The following LIN52 variants were observed in gnomAD, a reference collection of about 807,000 sequenced individuals.
LIN52 encodes the protein protein lin-52 homolog.
In LIN52, 4 loss-of-function variants were observed where a neutral mutation model predicts 18.5. That is an observed-to-expected ratio of 0.22 (90% CI 0.11 to 0.49). The LOEUF (loss-of-function observed/expected upper bound fraction) is 0.49, where lower values mean the gene tolerates loss of function less well. Ranked by LOEUF, LIN52 falls within the 20% of genes least tolerant of loss-of-function variation. The pLI is 0.97. For synonymous variants in LIN52, 34 were observed against 45.5 expected (o/e 0.75, Z 1.02); for missense variants, 102 against 139.5 (o/e 0.73, Z 1.35).
chr14:74,148,859 C>G (rs1050790480), intron 5 of LIN52, among the ~76,000 whole-genome samples: 2 of 152,124 alleles, frequency 1.3e-5, no homozygotes, highest in African/African-American at 2.4e-5. Context: ...TCTAGCTTTA[C>G]CCTGCTAAGC....
chr14:74,146,641 G>A lies in LIN52; in HGVS notation c.283+45403G>A, dbSNP rs2061153464. ...CAGAATACCTTGGTTTCCTTCTTAA[G>A]CATAAAGTACAGAAAAATCAACACT... On this transcript the variant is annotated intron_variant, in intron 5 of 5. Transcript: ENST00000555028. Among the ~76,000 whole-genome samples, 4 of 152,038 alleles carry A rather than the reference G, an allele frequency of 2.6e-5. No homozygotes were observed. The South Asian group carries it at 8.3e-4, about 32-fold the overall frequency.
chr14:74,107,916 G>A (rs2060906872), intron 5 of LIN52, among the ~76,000 whole-genome samples: 1 of 151,964 alleles, frequency 6.6e-6, no homozygotes, highest in South Asian at 2.1e-4. Context: ...TTTATAGTGT[G>A]CAATTCAGTG....
intron 5 of LIN52, among the ~76,000 whole-genome samples, chr14:74,123,612 G>A (rs1319891628): frequency 6.6e-6 from 1 of 152,198 alleles, no homozygotes; most frequent in African/African-American, 2.4e-5. Flanking sequence ...CCAGGAGGAT[G>A]TGTAGCATTA....
chr14:74,165,931 G>A (rs1226641735), intron 5 of LIN52, among the ~76,000 whole-genome samples: 1 of 145,728 alleles, frequency 6.9e-6, no homozygotes, highest in Non-Finnish European at 1.5e-5. Flanking sequence ...CGTTCTTCTT[G>A]CCCAGGCTAG....
At chr14:74,169,240 A>G (rs944080716) in intron 5 of LIN52, among the ~76,000 whole-genome samples, 2 of 152,176 alleles carry the variant, frequency 1.3e-5, no homozygotes, top group Non-Finnish European at 2.9e-5. Context: ...CTACTGTTTC[A>G]AGAGAAGTTC....
rs532017897 is a variant in LIN52 at position 74,160,363 on chromosome 14, G to A, written c.284-38559G>A. Among the ~76,000 whole-genome samples the A allele has an allele frequency of 3.9e-5, 6 of 152,176 alleles. No individual in the cohort carries two copies. The South Asian group carries it at 1.2e-3, about 32-fold the overall frequency. The stretch of plus-strand genomic sequence containing the variant: ...GTACTTGTGTGAAGGATTATTTATG[G>A]GCCCAAATACCCTTCTCTCTATAGG... On this transcript the variant is annotated intron_variant, in intron 5 of 5. Coordinates refer to ENST00000555028, the MANE Select transcript of LIN52 (RefSeq NM_001024674.3).
At chr14:74,091,121 A>G (rs1464893642) in intron 1 of LIN52, 111 bp from the exon 2 acceptor site, 3 of 670,204 alleles carry the variant, frequency 4.5e-6, no homozygotes, top group East Asian at 2.6e-5. Flanking sequence ...TACAGAACTC[A>G]TATCTCTAGA....
chr14:74,181,135 A>G (rs1486297368), intron 5 of LIN52, among the ~76,000 whole-genome samples: 1 of 151,034 alleles, frequency 6.6e-6, no homozygotes, highest in South Asian at 2.1e-4. Flanking sequence ...AAAAGAAAAA[A>G]GAAAAGAAAA....
chr14:74,184,816 A>C (rs991302672), intron 5 of LIN52, among the ~76,000 whole-genome samples: 2 of 152,078 alleles, frequency 1.3e-5, no homozygotes, highest in Non-Finnish European at 2.9e-5. Context: ...TTGTATTTAG[A>C]TCTATTACAA....
chr14:74,192,268 GTTGTTTTTTGTTTTTGTTT>G lies in LIN52; in HGVS notation c.284-6638_284-6620del, dbSNP rs1412574987. 4.6e-5 allele frequency among the ~76,000 whole-genome samples: 7 copies of G among 151,984 alleles called. No individual in the cohort carries two copies. In the East Asian group the frequency reaches 1.2e-3, roughly 25 times the overall value. Reference sequence around the variant, plus strand: ...GAAGGAAGCAAGACTGAGAACAGTGGTTGTTTTTTGTTTTTGTTTTTGTTTTTTGTTTTTTGAGACAGAG... The same window carrying G: ...GAAGGAAGCAAGACTGAGAACAGTGGTTGTTTTTTGTTTTTTGAGACAGAG... On this transcript the variant is annotated intron_variant, in intron 5 of 5. Transcript: ENST00000555028.
Position 74,130,278 on chromosome 14 carries a change from G to GTTTTTTTTTTGTTTTTTTTTTTGT in LIN52, c.283+29050_283+29051insGTTTTTTTTTTTGTTTTTTTTTTT, listed in dbSNP as rs1566856483. On this transcript the variant is annotated intron_variant, in intron 5 of 5. Coordinates refer to ENST00000555028, the MANE Select transcript of LIN52 (RefSeq NM_001024674.3). ...GAATTTATTAGATAGGCATTTTTTG[G>GTTTTTTTTTTGTTTTTTTTTTTGT]TTTTTTTTTTTTTTTTTTGAGACAG... Among the ~76,000 whole-genome samples, 16 of 64,824 alleles carry GTTTTTTTTTTGTTTTTTTTTTTGT rather than the reference G, an allele frequency of 2.5e-4. 1 individual carries two copies. The highest frequency in any genetic ancestry group is 8.2e-4 in the African/African-American group (13 of 15,880). 42.5% of individuals were successfully genotyped at this position (64,824 alleles called of 152,430 possible).
chr14:74,184,032 C>G (rs1388278776), intron 5 of LIN52, among the ~76,000 whole-genome samples: 1 of 152,158 alleles, frequency 6.6e-6, no homozygotes, highest in African/African-American at 2.4e-5. Context: ...AACTGCACCC[C>G]CTAGTTCCTC....
intron 5 of LIN52, among the ~76,000 whole-genome samples, chr14:74,105,227 A>G (rs1183799541): frequency 6.6e-6 from 1 of 152,100 alleles, no homozygotes; most frequent in Admixed American, 6.5e-5. Context: ...TGCTAACTGT[A>G]TTTCTAAAAA....
chr14:74,189,936 G>T (rs2061356310), intron 5 of LIN52, among the ~76,000 whole-genome samples: 1 of 152,006 alleles, frequency 6.6e-6, no homozygotes. Flanking sequence ...GTCTGCAAAT[G>T]GGTGTTACTA....
In LIN52 at chr14:74,161,700, G is replaced by C. The variant is rs114571716; in HGVS notation, c.284-37222G>C. 6.3e-3 allele frequency among the ~76,000 whole-genome samples: 953 copies of C among 152,252 alleles called. 14 individuals are homozygous for C. The highest frequency in any genetic ancestry group is 0.022 in the African/African-American group (917 of 41,558). ...CACATGGCCACGGGAACACTCTGCC[G>C]GTGCATTGCCGGAGCAGCCCACCTG... On this transcript the variant is annotated intron_variant, in intron 5 of 5. Transcript: ENST00000555028.
At chr14:74,132,746 A>G (rs1049367340) in intron 5 of LIN52, among the ~76,000 whole-genome samples, 1 of 152,104 alleles carries the variant, frequency 6.6e-6, no homozygotes, top group Non-Finnish European at 1.5e-5. Context: ...TGACCTCATG[A>G]TCCGCCCGCC....
chr14:74,199,051 C>T lies in LIN52; in HGVS notation c.*74C>T. The T allele has an allele frequency of 1.9e-6, 2 of 1,045,854 alleles. No homozygotes were observed. The highest frequency in any genetic ancestry group is 3.0e-6 in the Non-Finnish European group (2 of 669,724). 64.8% of individuals were successfully genotyped at this position (1,045,854 alleles called of 1,614,324 possible). On this transcript the variant is annotated 3_prime_UTR_variant, in exon 6 of 6. Coordinates refer to ENST00000555028, the MANE Select transcript of LIN52 (RefSeq NM_001024674.3). ...CCCGGTGCACCTCTAACAATGCACACCTCACTGCTTGCTTGGGAGAGGCCA... is the reference window on the plus strand; with the variant it reads ...CCCGGTGCACCTCTAACAATGCACATCTCACTGCTTGCTTGGGAGAGGCCA...
chr14:74,100,529 G>A (rs2060846404), intron 4 of LIN52, among the ~76,000 whole-genome samples: 1 of 151,956 alleles, frequency 6.6e-6, no homozygotes, highest in Admixed American at 6.6e-5. Context: ...AGGCTGGAGT[G>A]CAGTGGTACA....
intron 5 of LIN52, among the ~76,000 whole-genome samples, chr14:74,181,781 C>A (rs2061319831): frequency 1.3e-5 from 2 of 152,168 alleles, no homozygotes; most frequent in South Asian, 4.2e-4. Flanking sequence ...TCTGAAAAAA[C>A]AGAAAGTTTA....
Sources: gnomAD v4.1 joint callset for allele counts (sites outside exome capture counted in the v4.1 genomes callset) on GRCh38, gnomAD v4.1.1 for gene constraint, MANE v1.5 for transcripts, NCBI Gene and HGNC (gene_info 2026-07-23, HGNC 2026-07-21) for gene names.